The following VDAC2 variants were observed in gnomAD, a reference collection of about 807,000 sequenced individuals.
VDAC2 encodes voltage dependent anion channel 2, also known as non-selective voltage-gated ion channel VDAC2.
In VDAC2, 6 loss-of-function variants were observed where a neutral mutation model predicts 36.6. The observed-to-expected ratio is 0.16, with a 90% CI of 0.09 to 0.32. The LOEUF (loss-of-function observed/expected upper bound fraction) is 0.32. Ranked by LOEUF, VDAC2 falls within the 10% of genes least tolerant of loss-of-function variation. VDAC2 has a pLI of 1.00. For synonymous variants in VDAC2, 109 were observed against 123.8 expected (o/e 0.88, Z 0.79); for missense variants, 247 against 346.0 (o/e 0.71, Z 2.27).
chr10:75,215,651 C>CTA (rs1841579023), intron 4 of VDAC2, among the ~76,000 whole-genome samples: 1 of 151,944 alleles, frequency 6.6e-6, no homozygotes, highest in Admixed American at 6.6e-5. Flanking sequence ...CGCGCCCGGC[C>CTA]TATATAGACA....
At chr10:75,216,907 A>G (rs755290595) in intron 4 of VDAC2, among the ~76,000 whole-genome samples, 11 of 152,162 alleles carry the variant, frequency 7.2e-5, no homozygotes, top group Admixed American at 2.6e-4. Context: ...TGTCAGTTCA[A>G]TTTAATCATT....
intron 8 of VDAC2, among the ~76,000 whole-genome samples, chr10:75,226,450 G>GTTTTT (rs1841953898): frequency 2.3e-5 from 3 of 128,426 alleles, no homozygotes; most frequent in African/African-American, 1.0e-4. Flanking sequence ...GTCTTTTGTG[G>GTTTTT]GTTTTTTTTT....
intron 8 of VDAC2, among the ~76,000 whole-genome samples, chr10:75,223,725 G>C (rs564198075): frequency 2.0e-5 from 3 of 152,286 alleles, no homozygotes; most frequent in East Asian, 3.9e-4. Flanking sequence ...AGGTAGCTTC[G>C]GGCTGGAGGC....
At chr10:75,213,843 T>C (rs1397327307) in intron 3 of VDAC2, among the ~76,000 whole-genome samples, 178 bp from the exon 4 acceptor site, 1 of 152,250 alleles carries the variant, frequency 6.6e-6, no homozygotes, top group Non-Finnish European at 1.5e-5. Context: ...CTGCCCTTTA[T>C]AAGCCAGTTT....
At chr10:75,221,389 C>A (rs1207281540) in intron 7 of VDAC2, among the ~76,000 whole-genome samples, 1 of 151,526 alleles carries the variant, frequency 6.6e-6, no homozygotes, top group Admixed American at 6.6e-5. Flanking sequence ...GAGTCTTGCT[C>A]TTTTGCGATC....
chr10:75,221,094 C>T (rs1480895775), intron 7 of VDAC2, 124 bp downstream of exon 7: 4 of 1,063,364 alleles, frequency 3.8e-6, no homozygotes, highest in East Asian at 5.1e-5. Context: ...CAAAATCATT[C>T]TTGGTCATTT....
chr10:75,213,478 CT>C lies in VDAC2; in HGVS notation c.101-542del, dbSNP rs530879736. On this transcript the variant is annotated intron_variant, in intron 3 of 9. Coordinates refer to ENST00000332211, the MANE Select transcript of VDAC2 (RefSeq NM_001391963.1). ...ATAGTTTGGGGGCTGGGCGTGGTGG[CT>C]CACACCTGTAATCCCAGCACTTTGG... Among the ~76,000 whole-genome samples the C allele has an allele frequency of 1.1e-4, 16 of 152,280 alleles. No individual in the cohort carries two copies. The East Asian group carries it at 3.1e-3, about 29-fold the overall frequency.
rs770902198 is a variant in VDAC2 at position 75,219,307 on chromosome 10, T to A, written c.307T>A (p.Cys103Ser). The change falls in exon 6 of 10, where the codon TGT (cysteine) becomes AGT (serine). Residue 103 changes from cysteine to serine, a missense_variant. Coordinates refer to ENST00000332211, the MANE Select transcript of VDAC2 (RefSeq NM_001391963.1). ...GTEIAIEDQI[C>S]QGLKLTFDTT... ...AATTACTTTTCTTTCAAAATAGATT[T>A]GTCAAGGTTTGAAACTGACATTTGA... 4 of 1,594,946 alleles carry A rather than the reference T, an allele frequency of 2.5e-6. No individual in the cohort carries two copies. Among genetic ancestry groups the A allele is most frequent in the Non-Finnish European group, 3.4e-6 (4 of 1,172,436 alleles).
rs1466741916 is a variant in VDAC2 at position 75,217,908 on chromosome 10, A to G, written c.151-1155A>G. The stretch of plus-strand genomic sequence containing the variant: ...TACAGATATCACAATTTCTGGCTGT[A>G]GTCTCTTTATTATTTTCACATCAGC... On this transcript the variant is annotated intron_variant, in intron 4 of 9. Coordinates refer to ENST00000332211, the MANE Select transcript of VDAC2 (RefSeq NM_001391963.1). 8.5e-6 allele frequency: 11 copies of G among 1,287,232 alleles called. No individual in the cohort carries two copies. In the Admixed American group the frequency reaches 1.4e-4, roughly 16 times the overall value. The allele number at this position is 1,287,232 out of a possible 1,614,324, so 79.7% of individuals were successfully genotyped here.
At chr10:75,216,048 C>T (rs1463919085) in intron 4 of VDAC2, among the ~76,000 whole-genome samples, 4 of 152,226 alleles carry the variant, frequency 2.6e-5, no homozygotes, top group Non-Finnish European at 5.9e-5. Context: ...TGGGGATTTA[C>T]ATTGATCATA....
intron 3 of VDAC2, among the ~76,000 whole-genome samples, chr10:75,213,816 G>C (rs1834867201): frequency 6.6e-6 from 1 of 152,190 alleles, no homozygotes; most frequent in South Asian, 2.1e-4. Context: ...ACTAGACAAA[G>C]CAGCATAGGG....
chr10:75,211,276 T>G, intron 2 of VDAC2, 87 bp downstream of exon 2: 10 of 1,538,788 alleles, frequency 6.5e-6, no homozygotes, highest in Non-Finnish European at 8.8e-6. Flanking sequence ...CCCCTATCTT[T>G]CCAAGAACTT....
At chr10:75,225,505 T>G (rs768925807) in intron 8 of VDAC2, among the ~76,000 whole-genome samples, 1 of 152,196 alleles carries the variant, frequency 6.6e-6, no homozygotes, top group Non-Finnish European at 1.5e-5. Flanking sequence ...TAACATTGAT[T>G]AGTGATTGGC....
At chr10:75,218,886 CTT>C (rs1237198315) in intron 4 of VDAC2, among the ~76,000 whole-genome samples, 175 bp from the exon 5 acceptor site, 4 of 152,236 alleles carry the variant, frequency 2.6e-5, no homozygotes, top group East Asian at 1.9e-4. Context: ...ATTTGTCACT[CTT>C]ATATATGCTT....
At chr10:75,229,842 C>A in intron 9 of VDAC2, 141 bp downstream of exon 9, 12 of 513,844 alleles carry the variant, frequency 2.3e-5, no homozygotes, top group Admixed American at 4.1e-5. Context: ...CCTTTTACCA[C>A]AATTTTTTAT....
Position 75,228,512 on chromosome 10 carries a change from C to T in VDAC2, c.736-1132C>T, listed in dbSNP as rs572092819. On this transcript the variant is annotated intron_variant, in intron 8 of 9. Coordinates refer to ENST00000332211, the MANE Select transcript of VDAC2 (RefSeq NM_001391963.1). ...TCAAGTGGTCCTCCCGCCTTGGCCT[C>T]CCAAAGTGCAGGGATTACTGGTGTC... is the stretch of plus-strand genomic sequence containing the variant. Among the ~76,000 whole-genome samples, 550 of 152,220 alleles carry T rather than the reference C, an allele frequency of 3.6e-3. 5 individuals carry two copies. Among genetic ancestry groups the T allele is most frequent in the South Asian group, 0.018 (85 of 4,822 alleles).
Position 75,231,073 on chromosome 10 carries a change from T to C in VDAC2, c.*84T>C, listed in dbSNP as rs1256249568. On this transcript the variant is annotated 3_prime_UTR_variant, in exon 10 of 10. Coordinates refer to ENST00000332211, the MANE Select transcript of VDAC2 (RefSeq NM_001391963.1). ...CATTGTGACCAGCAGCAGGCTTTTT[T>C]CCCCCAAGAAGATGATCAAAACAAA... The C allele has an allele frequency of 3.0e-6, 3 of 990,750 alleles. No homozygotes were observed. The highest frequency in any genetic ancestry group is 2.5e-5 in the Admixed American group (1 of 40,104). The allele number at this position is 990,750 out of a possible 1,614,324, so 61.4% of individuals were successfully genotyped here.
chr10:75,219,406 T>G lies in VDAC2; in HGVS notation c.356+50T>G. The G allele has an allele frequency of 2.1e-6, 3 of 1,461,586 alleles. No homozygotes were observed. In the South Asian group the frequency reaches 3.9e-5, roughly 19 times the overall value. 90.5% of individuals were successfully genotyped at this position (1,461,586 alleles called of 1,614,324 possible). ...ATTACATTTAAAAGTATTTCTCTTT[T>G]GTATATTTAGAAAAGGTGTACATTT... On this transcript the variant is annotated intron_variant, in intron 6 of 9. Transcript: ENST00000332211.
At position 75,211,138 on chromosome 10, in the gene VDAC2, C is replaced by G. The variant is rs775428685; in HGVS notation, c.-21C>G. ...CACTTCTTGTCCCTCCCGCAGATTC[C>G]CCTCTTCCCGCGGCCTCGCCATGGC... On this transcript the variant is annotated 5_prime_UTR_variant, in exon 2 of 10. Coordinates refer to ENST00000332211, the MANE Select transcript of VDAC2 (RefSeq NM_001391963.1). 6.2e-7 allele frequency: 1 copy of G among 1,610,806 alleles called. No individual in the cohort carries two copies. Among genetic ancestry groups the G allele is most frequent in the Non-Finnish European group, 8.5e-7 (1 of 1,178,574 alleles).
Sources: gnomAD v4.1 joint callset for allele counts (sites outside exome capture counted in the v4.1 genomes callset) on GRCh38, gnomAD v4.1.1 for gene constraint, MANE v1.5 for transcripts, NCBI Gene and HGNC (gene_info 2026-07-23, HGNC 2026-07-21) for gene names.